Variants in SOS1 observed in about 807,000 individuals in gnomAD.
SOS1 encodes the protein SOS Ras/Rac guanine nucleotide exchange factor 1.
In SOS1, 25 loss-of-function variants were observed where a neutral mutation model predicts 157.6. The observed-to-expected ratio is 0.16, with a 90% CI of 0.12 to 0.22. The LOEUF (loss-of-function observed/expected upper bound fraction) is 0.22, where lower values mean the gene tolerates loss of function less well. Ranked by LOEUF, SOS1 falls within the 10% of genes least tolerant of loss-of-function variation. The pLI is 1.00. For synonymous variants in SOS1, 528 were observed against 534.0 expected (o/e 0.99, Z 0.16); for missense variants, 1,237 against 1,599.1 (o/e 0.77, Z 3.86).
chr2:39,093,476 C>G (rs2148191568), intron 1 of SOS1, among the ~76,000 whole-genome samples: 1 of 152,098 alleles, frequency 6.6e-6, no homozygotes, highest in South Asian at 2.1e-4. Flanking sequence ...ATGCCATTGC[C>G]AAGTATATAA....
At chr2:39,080,186 G>A (rs925350801) in intron 1 of SOS1, among the ~76,000 whole-genome samples, 52 of 152,014 alleles carry the variant, frequency 3.4e-4, no homozygotes, top group African/African-American at 1.3e-3. Context: ...TCCCATATGG[G>A]GGGGAATGGG....
At chr2:39,066,784 A>G (rs928008604) in intron 2 of SOS1, among the ~76,000 whole-genome samples, 6 of 152,228 alleles carry the variant, frequency 3.9e-5, no homozygotes, top group East Asian at 1.9e-4. Flanking sequence ...CTTACCACCT[A>G]AAATACATGT....
At chr2:39,121,527 C>A (rs1338813597), upstream of SOS1, among the ~76,000 whole-genome samples, 1 of 152,160 alleles carries the variant, frequency 6.6e-6, no homozygotes, top group African/African-American at 2.4e-5. Context: ...AAAATGTGTA[C>A]GTGTAGTATT....
At chr2:39,078,565 T>C (rs1487601680) in intron 1 of SOS1, among the ~76,000 whole-genome samples, 2 of 152,154 alleles carry the variant, frequency 1.3e-5, no homozygotes, top group Admixed American at 6.5e-5. Flanking sequence ...ACCTGAGCTC[T>C]GTCTGTCAGA....
At chr2:39,108,790 GGCTGA>G (rs1344986760) in intron 1 of SOS1, among the ~76,000 whole-genome samples, 1 of 152,084 alleles carries the variant, frequency 6.6e-6, no homozygotes, top group African/African-American at 2.4e-5. Context: ...CTACCTGGGA[GGCTGA>G]GGTGCAAAAA....
intron 1 of SOS1, among the ~76,000 whole-genome samples, chr2:39,102,204 C>CAAA (rs58865034): frequency 0.021 from 498 of 23,728 alleles, 143 homozygotes; most frequent in African/African-American, 0.068. Context: ...GACTCTGTCT[C>CAAA]AAAAAAAAAA....
At chr2:39,036,574 TTTTTG>T (rs979183437) in intron 6 of SOS1, among the ~76,000 whole-genome samples, 2 of 144,156 alleles carry the variant, frequency 1.4e-5, no homozygotes, top group African/African-American at 2.5e-5. Context: ...CCCTGGTCGT[TTTTTG>T]TTTTTTCTTT....
At chr2:39,077,619 C>T (rs1201808510) in intron 1 of SOS1, among the ~76,000 whole-genome samples, 3 of 152,048 alleles carry the variant, frequency 2.0e-5, no homozygotes, top group African/African-American at 7.2e-5. Flanking sequence ...GATTAAGATA[C>T]TAAGATATTA....
rs74592953 is a variant in SOS1 at position 39,092,071 on chromosome 2, C to A, written c.88-24318G>T. Among the ~76,000 whole-genome samples the A allele has an allele frequency of 3.4e-3, 518 of 152,306 alleles. 5 individuals carry two copies. The highest frequency in any genetic ancestry group is 0.012 in the African/African-American group (501 of 41,582). On this transcript the variant is annotated intron_variant, in intron 1 of 22. Coordinates refer to ENST00000402219, the MANE Select transcript of SOS1 (RefSeq NM_005633.4). ...AACTTAAGTTTATGTCACTCCTTCG[C>A]CTAAAATCCTTGAGTGTTCTACTAT...
At chr2:39,122,488 G>A (rs1432952838), upstream of SOS1, among the ~76,000 whole-genome samples, 2 of 145,628 alleles carry the variant, frequency 1.4e-5, no homozygotes, top group African/African-American at 2.8e-5. Context: ...ACACAGACCG[G>A]CCGGGCGCAG....
At chr2:39,022,505 A>T in intron 10 of SOS1, 65 bp downstream of exon 10, 1 of 1,285,628 alleles carries the variant, frequency 7.8e-7, no homozygotes, top group Non-Finnish European at 1.1e-6. Context: ...CAATAAACCC[A>T]TGCAGGAAAG....
intron 6 of SOS1, among the ~76,000 whole-genome samples, chr2:39,038,947 T>G (rs1670457039): frequency 6.6e-6 from 1 of 151,954 alleles, no homozygotes; most frequent in African/African-American, 2.4e-5. Context: ...AAATCTTTCA[T>G]AAAAGAAAGA....
At chr2:39,085,311 G>T (rs966861191) in intron 1 of SOS1, among the ~76,000 whole-genome samples, 1 of 152,206 alleles carries the variant, frequency 6.6e-6, no homozygotes, top group African/African-American at 2.4e-5. Flanking sequence ...GCCTCCCAAA[G>T]TATTGGTATT....
At chr2:39,108,977 C>A (rs1034034026) in intron 1 of SOS1, among the ~76,000 whole-genome samples, 2 of 151,676 alleles carry the variant, frequency 1.3e-5, no homozygotes, top group African/African-American at 4.8e-5. Flanking sequence ...CGCAGGTGAA[C>A]TGCTTGAGCT....
At chr2:39,046,076 A>G (rs926753878) in intron 6 of SOS1, among the ~76,000 whole-genome samples, 2 of 152,202 alleles carry the variant, frequency 1.3e-5, no homozygotes, top group Non-Finnish European at 2.9e-5. Context: ...TCATCAGTTT[A>G]TATATACTGA....
At chr2:39,099,013 T>C (rs1193388672) in intron 1 of SOS1, among the ~76,000 whole-genome samples, 1 of 152,216 alleles carries the variant, frequency 6.6e-6, no homozygotes, top group Non-Finnish European at 1.5e-5. Context: ...TGAAAAAATG[T>C]TCATCATCAG....
chr2:38,988,853 A>G (rs771593444), intron 21 of SOS1, among the ~76,000 whole-genome samples: 4 of 152,114 alleles, frequency 2.6e-5, no homozygotes, highest in Non-Finnish European at 4.4e-5. Context: ...GCAGTTGTCT[A>G]TAATCTATCC....
At chr2:39,078,608 G>A (rs1431086272) in intron 1 of SOS1, among the ~76,000 whole-genome samples, 2 of 152,140 alleles carry the variant, frequency 1.3e-5, no homozygotes, top group Non-Finnish European at 2.9e-5. Flanking sequence ...ATTGTCATGG[G>A]ACCGTGAACC....
chr2:39,006,566 G>A (rs111458041), intron 16 of SOS1, 37 bp from the exon 17 acceptor site: 2 of 1,020,382 alleles, frequency 2.0e-6, no homozygotes, highest in East Asian at 2.4e-5. Flanking sequence ...TTTACAAAAG[G>A]AATCAAAGGT....
Sources: allele counts gnomAD v4.1 joint callset (sites outside exome capture counted in the v4.1 genomes callset), GRCh38; gene constraint gnomAD v4.1.1; transcripts MANE v1.5; gene names NCBI Gene and HGNC (gene_info 2026-07-23, HGNC 2026-07-21).